The following CACNA1D variants were observed in gnomAD, a reference collection of about 807,000 sequenced individuals.
The protein encoded by CACNA1D is calcium voltage-gated channel subunit alpha1 D.
CACNA1D carries 55 observed loss-of-function variants against 257.1 expected under a neutral mutation model. The observed-to-expected ratio is 0.21, with a 90% confidence interval of 0.17 to 0.27. The LOEUF is 0.27. Among genes scored for constraint, CACNA1D ranks in the 10% least tolerant of loss-of-function variants. The probability of loss-of-function intolerance (pLI) is 1.00; values close to 1 mark genes in which losing one functional copy is unlikely to be tolerated. For missense variants in CACNA1D, 1,876 were observed against 2,784.0 expected (o/e 0.67, Z 7.34); for synonymous variants, 980 against 1,014.9 (o/e 0.97, Z 0.65).
intron 25 of CACNA1D, 130 bp from the exon 26 acceptor site, chr3:53,747,172 A>C: frequency 1.3e-6 from 1 of 793,908 alleles, no homozygotes; most frequent in South Asian, 1.4e-5. Context: ...TGTTATGCTC[A>C]GCTGTGTGAC....
chr3:53,536,288 C>A (rs960795603), intron 3 of CACNA1D, among the ~76,000 whole-genome samples: 3 of 152,098 alleles, frequency 2.0e-5, no homozygotes, highest in Admixed American at 2.0e-4. Flanking sequence ...TTTTCTCTTA[C>A]CCTGGTCATT....
chr3:53,637,549 G>C (rs1389971171), intron 3 of CACNA1D, among the ~76,000 whole-genome samples: 1 of 152,138 alleles, frequency 6.6e-6, no homozygotes, highest in Non-Finnish European at 1.5e-5. Context: ...TAATCCCCTA[G>C]TAACTCCTCT....
chr3:53,795,500 C>G (rs984909599), intron 40 of CACNA1D, among the ~76,000 whole-genome samples: 2 of 152,150 alleles, frequency 1.3e-5, no homozygotes, highest in African/African-American at 4.8e-5. Flanking sequence ...CCTCACTGAG[C>G]CTTTGACTCA....
intron 3 of CACNA1D, among the ~76,000 whole-genome samples, chr3:53,559,207 T>C (rs1074235): frequency 6.6e-6 from 1 of 152,108 alleles, no homozygotes. Flanking sequence ...TTTCAAAATT[T>C]TTGTTTTTGC....
intron 26 of CACNA1D, chr3:53,748,967 C>T (rs370844483): frequency 2.2e-5 from 11 of 493,080 alleles, no homozygotes; most frequent in South Asian, 1.6e-4. Flanking sequence ...GTGTCTTACA[C>T]GTGATATTCT....
rs757047041 is a variant in CACNA1D, at chr3:53,800,198, C to T, written c.4924-51C>T. 65 of 1,312,730 alleles carry T rather than the reference C, an allele frequency of 5.0e-5. No homozygotes were observed. The Admixed American group carries it at 1.0e-3, about 21-fold the overall frequency. 81.3% of individuals were successfully genotyped at this position (1,312,730 alleles called of 1,614,324 possible). ...GGAGCAAAGCCAGGACCCAGGCTGGCCCCAGGGCCCATGTGTGGTCTAACC... is the reference window on the plus strand; with the variant it reads ...GGAGCAAAGCCAGGACCCAGGCTGGTCCCAGGGCCCATGTGTGGTCTAACC... On this transcript the variant is annotated intron_variant, in intron 40 of 47. Coordinates refer to ENST00000350061, the MANE Select transcript of CACNA1D (RefSeq NM_001128840.3). The surrounding 1 kb of genome is among the most constrained non-coding windows in gnomAD (Gnocchi z 4.3).
chr3:53,587,212 A>T (rs1575984462), intron 3 of CACNA1D, among the ~76,000 whole-genome samples: 1 of 152,226 alleles, frequency 6.6e-6, no homozygotes, highest in East Asian at 1.9e-4. Flanking sequence ...GGAGAGCCAG[A>T]GCAGGCAGCT....
Position 53,747,547 on chromosome 3 carries a change from G to A in CACNA1D, c.3314+99G>A, listed in dbSNP as rs891075258. On this transcript the variant is annotated intron_variant, in intron 26 of 47. Transcript: ENST00000350061. Reference sequence around the variant, plus strand: ...AGTCCCATTTCTGTTCTCCAGTGTCGCAGGATTGCCCTGTGGCTTTTTAAC... The same window carrying A: ...AGTCCCATTTCTGTTCTCCAGTGTCACAGGATTGCCCTGTGGCTTTTTAAC... 45 of 1,269,240 alleles carry A rather than the reference G, an allele frequency of 3.5e-5. No homozygotes were observed. The Admixed American group carries it at 5.1e-4, about 14-fold the overall frequency. 78.6% of individuals were successfully genotyped at this position (1,269,240 alleles called of 1,614,324 possible).
chr3:53,760,224 G>A (rs994413266), intron 29 of CACNA1D, among the ~76,000 whole-genome samples: 1 of 152,136 alleles, frequency 6.6e-6, no homozygotes, highest in Non-Finnish European at 1.5e-5. Flanking sequence ...CCCCATAAAT[G>A]CACCTAGACT....
At chr3:53,583,241 T>TA (rs397956336) in intron 3 of CACNA1D, among the ~76,000 whole-genome samples, 2 of 151,950 alleles carry the variant, frequency 1.3e-5, no homozygotes, top group Non-Finnish European at 1.5e-5. Context: ...ATTTTTTTTT[T>TA]AATTGCTACC....
rs974628966 is a variant in CACNA1D, at chr3:53,673,139, T to C, written c.1220+13T>C. 1.9e-5 allele frequency: 29 copies of C among 1,508,746 alleles called. No homozygotes were observed. Among genetic ancestry groups the C allele is most frequent in the Non-Finnish European group, 2.5e-5 (28 of 1,107,852 alleles). The allele number at this position is 1,508,746 out of a possible 1,614,324, so 93.5% of individuals were successfully genotyped here. ...GTGTATTGAGCGGGTAAGCTACACC[T>C]CTTTCATCTTGAAAGCAGAGTCCTG... On this transcript the variant is annotated intron_variant, in intron 8 of 47. Coordinates refer to ENST00000350061, the MANE Select transcript of CACNA1D (RefSeq NM_001128840.3). The surrounding 1 kb of genome is among the most constrained non-coding windows in gnomAD (Gnocchi z 4.1).
chr3:53,517,016 T>G (rs2091362302), intron 3 of CACNA1D, among the ~76,000 whole-genome samples: 1 of 152,178 alleles, frequency 6.6e-6, no homozygotes, highest in Non-Finnish European at 1.5e-5. Flanking sequence ...CTCTGTAACT[T>G]TACTTCGTTG....
intron 3 of CACNA1D, among the ~76,000 whole-genome samples, chr3:53,558,129 T>C (rs995902992): frequency 6.6e-6 from 1 of 152,224 alleles, no homozygotes; most frequent in African/African-American, 2.4e-5. Flanking sequence ...TTAGTCATGG[T>C]CAAAATGTTT....
chr3:53,784,895 G>C (rs759740664), intron 39 of CACNA1D, among the ~76,000 whole-genome samples: 1 of 152,180 alleles, frequency 6.6e-6, no homozygotes, highest in Non-Finnish European at 1.5e-5. Flanking sequence ...TGAAGGATAG[G>C]ATCCCAGACT....
At chr3:53,508,020 G>A (rs936258520) in intron 3 of CACNA1D, among the ~76,000 whole-genome samples, 2 of 152,288 alleles carry the variant, frequency 1.3e-5, no homozygotes, top group South Asian at 4.1e-4. Flanking sequence ...TCCCTGCCCT[G>A]CACCCTCGGG....
At chr3:53,686,530 T>C (rs137901379) in intron 8 of CACNA1D, among the ~76,000 whole-genome samples, 137 of 152,174 alleles carry the variant, frequency 9.0e-4, no homozygotes, top group African/African-American at 3.1e-3. Context: ...TGATTCACCA[T>C]TGGAAAATCA....
intron 19 of CACNA1D, among the ~76,000 whole-genome samples, chr3:53,734,970 TAAAC>T (rs2095043424): frequency 6.6e-6 from 1 of 152,148 alleles, no homozygotes; most frequent in South Asian, 2.1e-4. Flanking sequence ...TCAGGGAAGA[TAAAC>T]AGATGAGTTT....
chr3:53,650,676 CT>C, intron 3 of CACNA1D, 102 bp from the exon 4 acceptor site: 1 of 1,194,606 alleles, frequency 8.4e-7, no homozygotes, highest in Non-Finnish European at 1.2e-6. Context: ...GAGGGAAATG[CT>C]TATATGTCTA....
intron 7 of CACNA1D, among the ~76,000 whole-genome samples, chr3:53,669,184 A>T (rs1200401884): frequency 1.3e-5 from 2 of 152,274 alleles, no homozygotes; most frequent in Non-Finnish European, 2.9e-5. Flanking sequence ...TTAGCTCATC[A>T]TAGAGATAGG....
Sources: allele counts gnomAD v4.1 joint callset (sites outside exome capture counted in the v4.1 genomes callset), GRCh38; gene constraint gnomAD v4.1.1; non-coding constraint Gnocchi (gnomAD v3.1); transcripts MANE v1.5; gene names NCBI Gene and HGNC (gene_info 2026-07-23, HGNC 2026-07-21).